The following NEXN variants were observed in gnomAD, a reference collection of about 807,000 sequenced individuals.
NEXN encodes nexilin F-actin binding protein, also known as nexilin.
Under a neutral mutation model 92.6 loss-of-function variants are expected in NEXN, and 65 were observed. The ratio of observed to expected loss-of-function variants is 0.70; its 90% CI spans 0.57 to 0.86. NEXN has a LOEUF of 0.86. Ranked by LOEUF, NEXN falls within the 40% of genes least tolerant of loss-of-function variation. The probability of loss-of-function intolerance (pLI) is 0.00; values close to 1 mark genes in which losing one functional copy is unlikely to be tolerated. For synonymous variants in NEXN, 254 were observed against 242.5 expected (o/e 1.05, Z -0.44); for missense variants, 778 against 771.1 (o/e 1.01, Z -0.11).
intron 11 of NEXN, among the ~76,000 whole-genome samples, chr1:77,938,573 C>A (rs1157199786): frequency 1.6e-5 from 2 of 123,546 alleles, no homozygotes; most frequent in African/African-American, 6.4e-5. Context: ...AGCCTGGCGA[C>A]AGAGCAAGAC....
intron 1 of NEXN, among the ~76,000 whole-genome samples, chr1:77,905,720 G>A (rs995878660): frequency 6.6e-6 from 1 of 152,046 alleles, no homozygotes; most frequent in Admixed American, 6.6e-5. Flanking sequence ...CTACAATTAG[G>A]GTAACCATGG....
Position 77,926,801 on chromosome 1 carries a change from GACAAGAA to G in NEXN, c.775_781del (p.Gln259ThrfsTer14). 6.2e-7 allele frequency: 1 copy of G among 1,613,928 alleles called. No individual in the cohort carries two copies. Among genetic ancestry groups the G allele is most frequent in the Non-Finnish European group, 8.5e-7 (1 of 1,179,974 alleles). On this transcript the variant is annotated frameshift_variant, in exon 8 of 13. Coordinates refer to ENST00000334785, the MANE Select transcript of NEXN (RefSeq NM_144573.4). LOFTEE classifies it high-confidence loss of function. ...ACTTTTGAAGAACTGGAGCGACAAA[GACAAGAA>G]AACCGAAAGAAGCAAGCTGAAGAGG...
chr1:77,926,510 C>T lies in NEXN; in HGVS notation c.586C>T (p.Arg196Cys), dbSNP rs369486891. 721 of 1,611,544 alleles carry T rather than the reference C, an allele frequency of 4.5e-4. No homozygotes were observed. The highest frequency in any genetic ancestry group is 5.9e-4 in the Non-Finnish European group (699 of 1,179,064). The change falls in exon 7 of 13, where the codon CGT becomes TGT. Residue 196 changes from arginine to cysteine, a missense_variant. Coordinates refer to ENST00000334785, the MANE Select transcript of NEXN (RefSeq NM_144573.4). The part of the protein sequence containing the change: ...KKNFEDLEKE[R>C]EEKERIKYEE... ...GAATTTTGAGGATCTAGAAAAAGAA[C>T]GTGAAGAGAAAGAAAGGATCAAGTA... is the stretch of plus-strand genomic sequence containing the variant.
chr1:77,900,929 A>G (rs1365665756), intron 1 of NEXN, among the ~76,000 whole-genome samples: 1 of 152,172 alleles, frequency 6.6e-6, no homozygotes, highest in Non-Finnish European at 1.5e-5. Context: ...AACAAGAAAA[A>G]TCACTTAACG....
intron 11 of NEXN, among the ~76,000 whole-genome samples, chr1:77,937,741 C>G (rs917628411): frequency 6.6e-6 from 1 of 152,048 alleles, no homozygotes; most frequent in Non-Finnish European, 1.5e-5. Context: ...CTACTATGTT[C>G]CAGGGACTGC....
intron 11 of NEXN, among the ~76,000 whole-genome samples, chr1:77,940,558 T>C (rs186087445): frequency 1.4e-3 from 218 of 152,336 alleles, no homozygotes; most frequent in Non-Finnish European, 2.8e-3. Context: ...TGAATAGTTA[T>C]GAATTTGCAT....
chr1:77,912,020 AGT>A (rs1648623403), intron 1 of NEXN, among the ~76,000 whole-genome samples: 1 of 151,162 alleles, frequency 6.6e-6, no homozygotes, highest in Non-Finnish European at 1.5e-5. Context: ...CAGAGGTTGC[AGT>A]GAGCCGAGAT....
intron 1 of NEXN, among the ~76,000 whole-genome samples, chr1:77,891,314 G>GT (rs1647100203): frequency 6.6e-6 from 1 of 152,052 alleles, no homozygotes; most frequent in Non-Finnish European, 1.5e-5. Context: ...GGATTTTGAT[G>GT]TATTTCCTTT....
Position 77,929,458 on chromosome 1 carries a change from G to C in NEXN, c.1007G>C (p.Arg336Thr), listed in dbSNP as rs1650121431. The change falls in exon 9 of 13, where the codon AGA (arginine) becomes ACA (threonine). Residue 336 changes from arginine (R) to threonine (T), a missense_variant. Around this residue, in one of 3 missense-constraint regions of NEXN, gnomAD observed 532 missense variants for 476.7 expected, o/e 1.12. Coordinates refer to ENST00000334785, the MANE Select transcript of NEXN (RefSeq NM_144573.4). ...KRKAEEEARR[R>T]IEEEKKAFAE... is the part of the protein sequence containing the mutation. Reference sequence around the variant, plus strand: ...AAAGCAGAAGAAGAAGCCAGAAGGAGAATAGAGGAAGAAAAGAAGGCGTTT... The same window carrying C: ...AAAGCAGAAGAAGAAGCCAGAAGGACAATAGAGGAAGAAAAGAAGGCGTTT... 6 of 1,613,138 alleles carry C rather than the reference G, an allele frequency of 3.7e-6. No individual in the cohort carries two copies. Among genetic ancestry groups the C allele is most frequent in the Non-Finnish European group, 5.1e-6 (6 of 1,179,504 alleles).
chr1:77,940,353 T>C (rs1485512480), intron 11 of NEXN, among the ~76,000 whole-genome samples: 2 of 152,208 alleles, frequency 1.3e-5, no homozygotes, highest in Admixed American at 1.3e-4. Context: ...CTATAAAGAA[T>C]GTACCTACAG....
chr1:77,890,184 C>T (rs997712167), intron 1 of NEXN, among the ~76,000 whole-genome samples: 1 of 151,986 alleles, frequency 6.6e-6, no homozygotes, highest in African/African-American at 2.4e-5. Flanking sequence ...CAATTAACAC[C>T]GTATTTTTGC....
At chr1:77,896,625 T>A (rs560386560) in intron 1 of NEXN, among the ~76,000 whole-genome samples, 14 of 152,148 alleles carry the variant, frequency 9.2e-5, no homozygotes, top group Admixed American at 7.2e-4. Flanking sequence ...CTGAGTGTGG[T>A]GGCAGACAGT....
rs544868518 is a variant in NEXN, at chr1:77,925,774, A to G, written c.489+545A>G. ...AACTACAGCCCATAAATTGGGAGCA[A>G]TTTTATCTCAGGGCCATGTGTTTCA... On this transcript the variant is annotated intron_variant, in intron 6 of 12. Transcript: ENST00000334785. 7.9e-5 allele frequency among the ~76,000 whole-genome samples: 12 copies of G among 152,204 alleles called. No homozygotes were observed. The South Asian group carries it at 2.1e-3, about 26-fold the overall frequency.
chr1:77,890,347 G>T (rs1165738868), intron 1 of NEXN, among the ~76,000 whole-genome samples: 1 of 152,106 alleles, frequency 6.6e-6, no homozygotes, highest in African/African-American at 2.4e-5. Flanking sequence ...TAGTTACAAT[G>T]TAATCCAGTT....
Position 77,935,820 on chromosome 1 carries a change from A to G in NEXN, c.1252-3A>G. On this transcript the variant is annotated splice_polypyrimidine_tract_variant and splice_region_variant and intron_variant, in intron 10 of 12. Transcript: ENST00000334785. ...GCAACAAACTTATTAATTTTTTTTG[A>G]AGGAAGAGGAAGAAAATGAAACCTT... 6.2e-7 allele frequency: 1 copy of G among 1,609,502 alleles called. No individual in the cohort carries two copies. Among genetic ancestry groups the G allele is most frequent in the East Asian group, 2.2e-5 (1 of 44,832 alleles).
Position 77,917,585 on chromosome 1 carries a change from A to C in NEXN, c.47A>C (p.Lys16Thr). ...ATGAAGATTCTGCTTTCTTCATCTA[A>C]ACCTGTCCCAAAAACCTATGTACCA... ...QKAEILLSSSKPVPKTYVPKL... is the reference protein window; with the variant it reads ...QKAEILLSSSTPVPKTYVPKL... The change falls in exon 3 of 13, where the codon AAA (lysine) becomes ACA (threonine). Residue 16 changes from lysine to threonine, a missense_variant. Physicochemically the swap from Lys to Thr is moderately conservative, Grantham distance 78. Coordinates refer to ENST00000334785, the MANE Select transcript of NEXN (RefSeq NM_144573.4). 5 of 1,613,102 alleles carry C rather than the reference A, an allele frequency of 3.1e-6. No homozygotes were observed. In the Admixed American group the frequency reaches 5.0e-5, roughly 16 times the overall value.
In NEXN at chr1:77,943,281, T is replaced by C. The variant is rs1651559369; in HGVS notation, c.*452T>C. On this transcript the variant is annotated 3_prime_UTR_variant, in exon 13 of 13. Transcript: ENST00000334785. Reference sequence around the variant, plus strand: ...CCTAAGTAGAATACATTATTTTGCATGAAGGAATGTCATTTCTGAGCTTTT... The same window carrying C: ...CCTAAGTAGAATACATTATTTTGCACGAAGGAATGTCATTTCTGAGCTTTT... 1 of 176,436 alleles carries C rather than the reference T, an allele frequency of 5.7e-6. No individual in the cohort carries two copies. The highest frequency in any genetic ancestry group is 1.2e-4 in the South Asian group (1 of 8,682). 10.9% of individuals were successfully genotyped at this position (176,436 alleles called of 1,614,324 possible). A position where few individuals can be genotyped will look rare whatever the true frequency, so the allele number is the denominator to read the frequency against.
chr1:77,918,257 C>T lies in NEXN; in HGVS notation c.431C>T (p.Ala144Val), dbSNP rs767335232. Residue 144 changes from alanine (A) to valine (V), a missense_variant, in exon 5 of 13, where the codon GCA (alanine) becomes GTA (valine). Ala to Val is a moderately conservative substitution (Grantham distance 64). Coordinates refer to ENST00000334785, the MANE Select transcript of NEXN (RefSeq NM_144573.4). ...AAGAGGAAAATACAGCGTGAATTAG[C>T]AAAAAGGGCTGAACAGGTATCACTG... ...LEKRKIQREL[A>V]KRAEQIEDIN... 6.2e-7 allele frequency: 1 copy of T among 1,613,716 alleles called. No homozygotes were observed. Among genetic ancestry groups the T allele is most frequent in the Non-Finnish European group, 8.5e-7 (1 of 1,179,830 alleles).
At chr1:77,894,681 A>G (rs1647184109) in intron 1 of NEXN, among the ~76,000 whole-genome samples, 1 of 151,940 alleles carries the variant, frequency 6.6e-6, no homozygotes, top group African/African-American at 2.4e-5. Context: ...CTGGGATTAC[A>G]GGCATGAACC....
Sources: gnomAD v4.1 joint callset for allele counts (sites outside exome capture counted in the v4.1 genomes callset) on GRCh38, gnomAD v4.1.1 for gene constraint, gnomAD v4.1.1 regional missense constraint, MANE v1.5 for transcripts, NCBI Gene and HGNC (gene_info 2026-07-23, HGNC 2026-07-21) for gene names.